Variants in MINDY3 observed in about 807,000 individuals in gnomAD.
MINDY3 encodes the protein ubiquitin carboxyl-terminal hydrolase MINDY-3.
In MINDY3, 38 loss-of-function variants were observed where a neutral mutation model predicts 69.2. The ratio of observed to expected loss-of-function variants is 0.55; its 90% CI spans 0.42 to 0.72. MINDY3 has a LOEUF of 0.72. Ranked by LOEUF, MINDY3 falls within the 30% of genes least tolerant of loss-of-function variation. The pLI, the probability that MINDY3 is intolerant of heterozygous loss-of-function variation, is 0.00. For synonymous variants in MINDY3, 192 were observed against 180.1 expected (o/e 1.07, Z -0.53); for missense variants, 522 against 519.0 (o/e 1.01, Z -0.06).
rs146519926 is a variant in MINDY3, at chr10:15,846,370, A to G, written c.174+1494T>C. ...TATATAATCTAATTTACATATGGAC[A>G]TAACAAGGAATCTTCAAATTGAGGT... On this transcript the variant is annotated intron_variant, in intron 2 of 14. Coordinates refer to ENST00000277632, the MANE Select transcript of MINDY3 (RefSeq NM_024948.4). Among the ~76,000 whole-genome samples the G allele has an allele frequency of 7.5e-3, 1,136 of 152,332 alleles. 4 individuals carry two copies. The highest frequency in any genetic ancestry group is 0.014 in the Middle Eastern group (4 of 294).
At chr10:15,796,203 G>A in intron 10 of MINDY3, 31 bp from the exon 11 acceptor site, 1 of 1,558,714 alleles carries the variant, frequency 6.4e-7, no homozygotes, top group East Asian at 2.2e-5. Flanking sequence ...TTGTCAACCA[G>A]CTACAGTATT....
At chr10:15,818,028 CAAAG>C (rs1839490559) in intron 9 of MINDY3, 1 of 152,118 alleles carries the variant, frequency 6.6e-6, no homozygotes, top group Non-Finnish European at 1.5e-5. Flanking sequence ...AGAAAAGGAA[CAAAG>C]AAAGAGGGAA....
intron 8 of MINDY3, among the ~76,000 whole-genome samples, chr10:15,824,939 T>C (rs1353013484): frequency 1.3e-5 from 2 of 152,210 alleles, no homozygotes; most frequent in African/African-American, 4.8e-5. Flanking sequence ...ATACTTAACA[T>C]TTTTACCTTC....
intron 2 of MINDY3, among the ~76,000 whole-genome samples, chr10:15,843,524 TAGA>T (rs1760243794): frequency 6.6e-6 from 1 of 152,068 alleles, no homozygotes; most frequent in South Asian, 2.1e-4. Context: ...TTCTGACAAG[TAGA>T]AGAACTAACT....
At chr10:15,837,442 G>C (rs7903095) in intron 5 of MINDY3, 124 bp from the exon 6 acceptor site, 7 of 1,266,812 alleles carry the variant, frequency 5.5e-6, no homozygotes, top group Non-Finnish European at 7.6e-6. Flanking sequence ...GTTTTGGGAC[G>C]TTTCTAAATT....
chr10:15,828,949 TTCA>T (rs1840275438), intron 8 of MINDY3, among the ~76,000 whole-genome samples: 1 of 152,222 alleles, frequency 6.6e-6, no homozygotes. Flanking sequence ...AGTTTCCTTC[TTCA>T]TAACATATGG....
At chr10:15,838,110 AT>A in intron 5 of MINDY3, 117 bp downstream of exon 5, 1 of 1,301,954 alleles carries the variant, frequency 7.7e-7, no homozygotes, top group Admixed American at 3.6e-5. Context: ...TGGATTTAAA[AT>A]TTATGTTTAA....
At chr10:15,816,374 G>A (rs1040866926) in intron 10 of MINDY3, among the ~76,000 whole-genome samples, 7 of 151,580 alleles carry the variant, frequency 4.6e-5, no homozygotes, top group African/African-American at 1.7e-4. Flanking sequence ...TTAAAATTGT[G>A]GGAAGTATTC....
rs1839547800 is a variant in MINDY3, at chr10:15,818,750, A to AC, written c.802-1836dup. The stretch of plus-strand genomic sequence containing the variant: ...AGCCAGAAACGAAAGGCTATATACT[A>AC]CATGATTCCATTGGTATGAAATGTA... On this transcript the variant is annotated intron_variant, in intron 9 of 14. Coordinates refer to ENST00000277632, the MANE Select transcript of MINDY3 (RefSeq NM_024948.4). 2.0e-5 allele frequency among the ~76,000 whole-genome samples: 3 copies of AC among 152,204 alleles called. 1 individual carries two copies. In the South Asian group the frequency reaches 6.2e-4, roughly 31 times the overall value.
chr10:15,832,230 A>G (rs1405798016), intron 8 of MINDY3, among the ~76,000 whole-genome samples: 1 of 152,176 alleles, frequency 6.6e-6, no homozygotes, highest in Non-Finnish European at 1.5e-5. Flanking sequence ...GCACACAGTA[A>G]GAAGTATCAA....
chr10:15,795,956 T>C (rs530483979), intron 11 of MINDY3, 144 bp downstream of exon 11: 11 of 690,676 alleles, frequency 1.6e-5, no homozygotes, highest in Non-Finnish European at 2.2e-5. Context: ...CCATTTTCAC[T>C]ACTTTCCTTT....
chr10:15,806,514 T>G (rs911897442), intron 10 of MINDY3, among the ~76,000 whole-genome samples: 1 of 152,130 alleles, frequency 6.6e-6, no homozygotes, highest in Non-Finnish European at 1.5e-5. Context: ...GTACTCACAT[T>G]TATAATTTAA....
In MINDY3 at chr10:15,786,576, T is replaced by G; in HGVS notation, c.1101A>C (p.Glu367Asp). The change falls in exon 13 of 15, where the codon GAA (glutamate) becomes GAC (aspartate). Residue 367 changes from glutamate (E) to aspartate (D), a missense_variant. Physicochemically the swap from Glu to Asp is conservative, Grantham distance 45 (BLOSUM62 2). Coordinates refer to ENST00000277632, the MANE Select transcript of MINDY3 (RefSeq NM_024948.4). ...ACTATGTTACCTGATCAGGAAAAAA[T>G]TCTTGAAGAAATGGGCCCAATAATA... is the stretch of plus-strand genomic sequence containing the variant. ...GIILLGPFLQ[E>D]FFPDQGSSGP... The G allele has an allele frequency of 6.3e-7, 1 of 1,576,456 alleles. No individual in the cohort carries two copies. Among genetic ancestry groups the G allele is most frequent in the Non-Finnish European group, 8.7e-7 (1 of 1,147,954 alleles).
chr10:15,791,872 T>C (rs1320123805), intron 11 of MINDY3, among the ~76,000 whole-genome samples: 2 of 152,002 alleles, frequency 1.3e-5, no homozygotes, highest in African/African-American at 4.8e-5. Context: ...CCTGAAAGAT[T>C]AAGAAATAAA....
chr10:15,821,836 T>A, intron 8 of MINDY3, 110 bp from the exon 9 acceptor site: 1 of 786,446 alleles, frequency 1.3e-6, no homozygotes, highest in Non-Finnish European at 2.0e-6. Context: ...CCAAAACTTT[T>A]AACTTTTACC....
chr10:15,796,476 G>T (rs892061415), intron 10 of MINDY3, among the ~76,000 whole-genome samples: 1 of 138,274 alleles, frequency 7.2e-6, no homozygotes, highest in Non-Finnish European at 1.6e-5. Context: ...AATGTAGCAT[G>T]AAAAAAAAAA....
rs10719399 is a variant in MINDY3 at position 15,848,633 on chromosome 10, CAAAAAAAAAAA to C, written c.95-701_95-691del. On this transcript the variant is annotated intron_variant, in intron 1 of 14. Coordinates refer to ENST00000277632, the MANE Select transcript of MINDY3 (RefSeq NM_024948.4). ...TGGGCCACAGAGCTAGACTTCATCT[CAAAAAAAAAAA>C]AAAAAAAAAAAAAAAAAAGAAAGAA... Among the ~76,000 whole-genome samples, 8 of 48,798 alleles carry C rather than the reference CAAAAAAAAAAA, an allele frequency of 1.6e-4. No homozygotes were observed. In the East Asian group the frequency reaches 2.3e-3, roughly 14 times the overall value. 32.0% of individuals were successfully genotyped at this position (48,798 alleles called of 152,430 possible). A position where few individuals can be genotyped will look rare whatever the true frequency, so the allele number is the denominator to read the frequency against.
Position 15,860,228 on chromosome 10 carries a change from G to T in MINDY3, c.72C>A (p.Thr24=). The T allele has an allele frequency of 6.2e-7, 1 of 1,610,032 alleles. No homozygotes were observed. ...GTKSSPGLSD[T]IFCRWTQGFV... is the part of the protein sequence containing the mutation. ...TACCTTGCGTCCAGCGGCAGAAAAT[G>T]GTGTCCGAGAGACCGGGGCTGCTCT... Residue 24 remains threonine (T), a synonymous_variant, in exon 1 of 15, where the codon ACC becomes ACA. Transcript: ENST00000277632.
intron 5 of MINDY3, chr10:15,837,674 A>T: frequency 8.9e-7 from 1 of 1,122,832 alleles, no homozygotes. Flanking sequence ...TTCACTTTTT[A>T]AATCCTAGAA....
Sources: gnomAD v4.1 joint callset for allele counts (sites outside exome capture counted in the v4.1 genomes callset) on GRCh38, gnomAD v4.1.1 for gene constraint, MANE v1.5 for transcripts, NCBI Gene and HGNC (gene_info 2026-07-23, HGNC 2026-07-21) for gene names.